Variants in OTOA observed in about 807,000 individuals in gnomAD.
The protein encoded by OTOA is otoancorin.
OTOA carries 70 observed loss-of-function variants against 110.8 expected under a neutral mutation model. That is an observed-to-expected ratio of 0.63 (90% confidence interval 0.52 to 0.77). OTOA has a LOEUF of 0.77. Ranked by LOEUF, OTOA falls within the 30% of genes least tolerant of loss-of-function variation. The probability of loss-of-function intolerance (pLI) is 0.00; values close to 1 mark genes in which losing one functional copy is unlikely to be tolerated. For synonymous variants in OTOA, 373 were observed against 431.5 expected (o/e 0.86, Z 1.68); for missense variants, 917 against 1,075.8 (o/e 0.85, Z 2.06).
chr16:21,694,482 T>G (rs1180980193), intron 9 of OTOA, among the ~76,000 whole-genome samples: 2 of 152,128 alleles, frequency 1.3e-5, no homozygotes, highest in African/African-American at 2.4e-5. Flanking sequence ...AAACCACTTT[T>G]GGCTCATGGG....
In OTOA at chr16:21,681,837, A is replaced by C; in HGVS notation, c.267+12A>C. On this transcript the variant is annotated intron_variant, in intron 6 of 28. Coordinates refer to ENST00000646100, the MANE Select transcript of OTOA (RefSeq NM_144672.4). ...TCCCCAGCCTGCAGGTGTGTACCTG[A>C]GACCCATCTATATGTTCCCATCTCA... is the stretch of plus-strand genomic sequence containing the variant. The C allele has an allele frequency of 6.2e-7, 1 of 1,607,458 alleles. No homozygotes were observed. The highest frequency in any genetic ancestry group is 1.3e-5 in the African/African-American group (1 of 74,882).
Position 21,685,312 on chromosome 16 carries a change from A to G in OTOA, c.350A>G (p.Gln117Arg). 6.2e-7 allele frequency: 1 copy of G among 1,613,280 alleles called. No homozygotes were observed. The highest frequency in any genetic ancestry group is 1.1e-5 in the South Asian group (1 of 91,074). ...LEDLRKTDAQ[Q>R]FRTAMKCLLE... ...GACCTGAGGAAGACAGACGCCCAGC[A>G]GTTCCGCACTGCCATGAAATGCCTC... Residue 117 changes from glutamine to arginine, a missense_variant, in exon 7 of 29, where the codon CAG (glutamine) becomes CGG (arginine). Physicochemically the swap from Gln to Arg is conservative, Grantham distance 43 (BLOSUM62 1). Coordinates refer to ENST00000646100, the MANE Select transcript of OTOA (RefSeq NM_144672.4).
At chr16:21,670,305 C>A (rs552421827) in intron 1 of OTOA, among the ~76,000 whole-genome samples, 2 of 152,116 alleles carry the variant, frequency 1.3e-5, no homozygotes, top group African/African-American at 2.4e-5. Flanking sequence ...CCTCTTCGTG[C>A]AATTTACTGA....
chr16:21,721,197 G>A (rs1898723952), intron 17 of OTOA: 2 of 419,930 alleles, frequency 4.8e-6, no homozygotes, highest in Non-Finnish European at 4.9e-6. Context: ...TTACAGGCAT[G>A]AGCCACCACG....
rs932057213 is a variant in OTOA, at chr16:21,675,984, G to A, written c.-4-2527G>A. On this transcript the variant is annotated intron_variant, in intron 1 of 28. Coordinates refer to ENST00000646100, the MANE Select transcript of OTOA (RefSeq NM_144672.4). ...GCTCTGTCACCCTGGCTGGAGTGCA[G>A]TGGCATAATCATGGCTCATTGCAGC... is the stretch of plus-strand genomic sequence containing the variant. Among the ~76,000 whole-genome samples, 6 of 152,142 alleles carry A rather than the reference G, an allele frequency of 3.9e-5. No individual in the cohort carries two copies. The East Asian group carries it at 7.7e-4, about 20-fold the overall frequency.
intron 9 of OTOA, among the ~76,000 whole-genome samples, chr16:21,695,889 A>T (rs430533): frequency 0.35 from 21,724 of 61,934 alleles, 3,735 homozygotes; most frequent in Non-Finnish European, 0.39. Flanking sequence ...ATATATATAT[A>T]TATTTTTTTT....
chr16:21,716,405 AC>A (rs1898555223), intron 14 of OTOA, among the ~76,000 whole-genome samples: 1 of 152,104 alleles, frequency 6.6e-6, no homozygotes, highest in African/African-American at 2.4e-5. Context: ...CCCCGTCTCT[AC>A]TAAAAATACG....
At chr16:21,737,964 C>A (rs1180990096) in intron 22 of OTOA, among the ~76,000 whole-genome samples, 2 of 152,310 alleles carry the variant, frequency 1.3e-5, no homozygotes, top group Non-Finnish European at 2.9e-5. Context: ...TCGTTAAGCA[C>A]CAATTTTGTA....
At chr16:21,682,901 T>C (rs1966920721) in intron 6 of OTOA, among the ~76,000 whole-genome samples, 1 of 152,168 alleles carries the variant, frequency 6.6e-6, no homozygotes, top group South Asian at 2.1e-4. Context: ...TAGCTGGAGG[T>C]GGCTGTTGGC....
intron 13 of OTOA, among the ~76,000 whole-genome samples, chr16:21,710,398 AG>A: frequency 6.6e-6 from 1 of 152,250 alleles, no homozygotes; most frequent in South Asian, 2.1e-4. Context: ...CCATTGGATC[AG>A]GGCCCCACCT....
chr16:21,706,928 C>A (rs1307969983), intron 12 of OTOA, among the ~76,000 whole-genome samples: 4 of 151,426 alleles, frequency 2.6e-5, no homozygotes, highest in African/African-American at 9.7e-5. Flanking sequence ...CAACCTCCAC[C>A]TTCCGGGTTC....
At position 21,664,971 on chromosome 16, in the gene OTOA, C is replaced by CATGA. The variant is rs201389274; in HGVS notation, c.-5+746_-5+749dup. Among the ~76,000 whole-genome samples, 559 of 142,630 alleles carry CATGA rather than the reference C, an allele frequency of 3.9e-3. 5 individuals carry two copies. The highest frequency in any genetic ancestry group is 0.014 in the African/African-American group (488 of 35,092). The allele number at this position is 142,630 out of a possible 152,430, so 93.6% of individuals were successfully genotyped here. Reference sequence around the variant, plus strand: ...TGGGCGACACAGGGAGACTCTGTCTCATGAATGAATAAATAAATAAATAAA... The same window carrying CATGA: ...TGGGCGACACAGGGAGACTCTGTCTCATGAATGAATGAATAAATAAATAAATAAA... On this transcript the variant is annotated intron_variant, in intron 1 of 28. Coordinates refer to ENST00000646100, the MANE Select transcript of OTOA (RefSeq NM_144672.4).
chr16:21,679,614 A>G (rs921835377), intron 5 of OTOA, among the ~76,000 whole-genome samples: 4 of 152,120 alleles, frequency 2.6e-5, no homozygotes, highest in Non-Finnish European at 5.9e-5. Flanking sequence ...CATGTTGGCC[A>G]GGCTGGTCTC....
chr16:21,678,895 A>C lies in OTOA; in HGVS notation c.92-20A>C, dbSNP rs767091787. The C allele has an allele frequency of 5.6e-6, 9 of 1,611,912 alleles. No individual in the cohort carries two copies. The highest frequency in any genetic ancestry group is 7.6e-6 in the Non-Finnish European group (9 of 1,179,592). On this transcript the variant is annotated intron_variant, in intron 2 of 28. Coordinates refer to ENST00000646100, the MANE Select transcript of OTOA (RefSeq NM_144672.4). ...TCACACAATTCAATTCTAGTTATAC[A>C]TTCAATGGCTTTCTTACAGATTTGC...
chr16:21,664,959 G>A (rs1164657962), intron 1 of OTOA, among the ~76,000 whole-genome samples: 1 of 151,398 alleles, frequency 6.6e-6, no homozygotes, highest in Admixed American at 6.6e-5. Flanking sequence ...GCGACACAGG[G>A]AGACTCTGTC....
intron 17 of OTOA, among the ~76,000 whole-genome samples, chr16:21,720,896 C>CATTATTATTATTATTATT (rs57835405): frequency 0.037 from 5,377 of 147,140 alleles, 131 homozygotes; most frequent in African/African-American, 0.059. Flanking sequence ...TACTAAAACA[C>CATTATTATTATTATTATT]ATTATTATTA....
intron 1 of OTOA, among the ~76,000 whole-genome samples, chr16:21,667,775 G>A (rs1041659063): frequency 5.3e-5 from 8 of 151,872 alleles, no homozygotes; most frequent in Non-Finnish European, 7.4e-5. Context: ...GCCAATGAAT[G>A]GGCATGGACA....
chr16:21,675,449 C>T (rs916120683), intron 1 of OTOA, among the ~76,000 whole-genome samples: 1 of 151,192 alleles, frequency 6.6e-6, no homozygotes, highest in African/African-American at 2.4e-5. Context: ...AGCCACTGTG[C>T]CCTGCTAATG....
chr16:21,719,002 C>A, intron 15 of OTOA, 131 bp from the exon 16 acceptor site: 1 of 901,714 alleles, frequency 1.1e-6, no homozygotes, highest in Non-Finnish European at 1.8e-6. Context: ...CTAGGTAACT[C>A]ACATAGCCTG....
Sources: allele counts gnomAD v4.1 joint callset (sites outside exome capture counted in the v4.1 genomes callset), GRCh38; gene constraint gnomAD v4.1.1; transcripts MANE v1.5; gene names NCBI Gene and HGNC (gene_info 2026-07-23, HGNC 2026-07-21).